Variants in ZCCHC7 observed in about 807,000 individuals in gnomAD.
The protein encoded by ZCCHC7 is zinc finger CCHC-type containing 7, also known as zinc finger CCHC domain-containing protein 7.
Under a neutral mutation model 52.0 loss-of-function variants are expected in ZCCHC7, and 35 were observed. The observed-to-expected ratio is 0.67, with a 90% confidence interval of 0.51 to 0.89. ZCCHC7 has a LOEUF of 0.89. Ranked by LOEUF, ZCCHC7 falls within the 40% of genes least tolerant of loss-of-function variation. The probability of loss-of-function intolerance (pLI) is 0.00; values close to 1 mark genes in which losing one functional copy is unlikely to be tolerated. For missense variants in ZCCHC7, 574 were observed against 649.1 expected, an observed-to-expected ratio of 0.88 and a Z score of 1.26; for synonymous variants, 217 against 221.5, an observed-to-expected ratio of 0.98 and a Z score of 0.18.
intron 2 of ZCCHC7, among the ~76,000 whole-genome samples, chr9:37,229,294 C>G (rs1054243492): frequency 4.6e-5 from 7 of 151,904 alleles, no homozygotes; most frequent in African/African-American, 1.7e-4. Flanking sequence ...CAACATTTTT[C>G]TATGAATAAA....
intron 2 of ZCCHC7, among the ~76,000 whole-genome samples, chr9:37,161,943 C>G (rs893021577): frequency 1.3e-5 from 2 of 152,116 alleles, no homozygotes; most frequent in Non-Finnish European, 2.9e-5. Context: ...TTGAGACCAG[C>G]CTAGGCAACA....
chr9:37,304,119 A>G, intron 3 of ZCCHC7, 69 bp from the exon 4 acceptor site: 1 of 1,476,318 alleles, frequency 6.8e-7, no homozygotes. Context: ...TGTCTTTAAC[A>G]AGAGTAGTAG....
intron 2 of ZCCHC7, among the ~76,000 whole-genome samples, chr9:37,286,163 T>C (rs1309737347): frequency 6.6e-6 from 1 of 152,206 alleles, no homozygotes; most frequent in Non-Finnish European, 1.5e-5. Flanking sequence ...ATTAATAAAA[T>C]AATTTAGGGA....
chr9:37,268,220 G>A (rs898718387), intron 2 of ZCCHC7, among the ~76,000 whole-genome samples: 3 of 151,952 alleles, frequency 2.0e-5, no homozygotes, highest in African/African-American at 7.3e-5. Flanking sequence ...AAAGCTCTTG[G>A]TATCTCTAAT....
chr9:37,308,833 T>C (rs913967558), intron 5 of ZCCHC7, among the ~76,000 whole-genome samples: 3 of 151,904 alleles, frequency 2.0e-5, no homozygotes, highest in Non-Finnish European at 4.4e-5. Context: ...ATACAAAAAT[T>C]AGCTGGGCGT....
chr9:37,178,908 T>C (rs940510246), intron 2 of ZCCHC7, among the ~76,000 whole-genome samples: 1 of 152,234 alleles, frequency 6.6e-6, no homozygotes, highest in South Asian at 2.1e-4. Flanking sequence ...ATCTGTATGA[T>C]GACTGATATT....
intron 2 of ZCCHC7, among the ~76,000 whole-genome samples, chr9:37,177,623 AAG>A (rs761132455): frequency 3.9e-5 from 6 of 152,178 alleles, no homozygotes; most frequent in Admixed American, 1.3e-4. Context: ...GGCTGAGACT[AAG>A]AGAGAACACA....
At chr9:37,268,196 G>A (rs1027834434) in intron 2 of ZCCHC7, among the ~76,000 whole-genome samples, 2 of 152,116 alleles carry the variant, frequency 1.3e-5, no homozygotes, top group African/African-American at 4.8e-5. Context: ...CAAATTCTGT[G>A]TGAATTTTTT....
chr9:37,139,241 G>A lies in ZCCHC7; in HGVS notation c.610+12299G>A, dbSNP rs188978252. Among the ~76,000 whole-genome samples the A allele has an allele frequency of 2.0e-4, 30 of 152,016 alleles. No homozygotes were observed. In the East Asian group the frequency reaches 4.4e-3, roughly 22 times the overall value. ...GTTTTGTTATAAATTAAAGATACTG[G>A]CATGGTTAACTTTTGGCATTTTGAG... On this transcript the variant is annotated intron_variant, in intron 2 of 8. Coordinates refer to ENST00000336755, the MANE Select transcript of ZCCHC7 (RefSeq NM_032226.3).
chr9:37,228,303 T>C (rs1326670622), intron 2 of ZCCHC7, among the ~76,000 whole-genome samples: 1 of 152,218 alleles, frequency 6.6e-6, no homozygotes, highest in Non-Finnish European at 1.5e-5. Context: ...ATTGTGTAGA[T>C]ATTACATTAT....
chr9:37,253,092 A>G (rs1826408867), intron 2 of ZCCHC7, among the ~76,000 whole-genome samples: 1 of 152,122 alleles, frequency 6.6e-6, no homozygotes, highest in South Asian at 2.1e-4. Flanking sequence ...AAGTTAATGA[A>G]TCTGGTAAAA....
chr9:37,186,556 G>T (rs1309458189), intron 2 of ZCCHC7, among the ~76,000 whole-genome samples: 1 of 152,088 alleles, frequency 6.6e-6, no homozygotes, highest in Non-Finnish European at 1.5e-5. Context: ...AATCTTTAGG[G>T]TGTTACAAAC....
chr9:37,199,659 TCTGTCTGTCTTTC>T (rs1823502465), intron 2 of ZCCHC7, among the ~76,000 whole-genome samples: 1 of 126,724 alleles, frequency 7.9e-6, no homozygotes, highest in South Asian at 2.5e-4. Context: ...TGTCTGTCTG[TCTGTCTGTCTTTC>T]TCTCTGTCTG....
intron 1 of ZCCHC7, 136 bp from the exon 2 acceptor site, chr9:37,126,176 A>G: frequency 1.1e-6 from 1 of 909,790 alleles, no homozygotes; most frequent in Non-Finnish European, 1.6e-6. Context: ...TCCTTGGAAA[A>G]AAAGGTATTT....
intron 2 of ZCCHC7, among the ~76,000 whole-genome samples, chr9:37,225,678 GA>G (rs76571276): frequency 2.0e-5 from 3 of 151,986 alleles, no homozygotes; most frequent in African/African-American, 7.2e-5. Flanking sequence ...AGACTAACAG[GA>G]AAAAAATGTT....
At chr9:37,350,171 C>G (rs1211956208) in intron 7 of ZCCHC7, among the ~76,000 whole-genome samples, 1 of 148,152 alleles carries the variant, frequency 6.7e-6, no homozygotes, top group African/African-American at 2.5e-5. Context: ...TCTTGTTGCC[C>G]AAGCTGGAGT....
intron 2 of ZCCHC7, chr9:37,160,363 A>T (rs959695264): frequency 2.0e-5 from 3 of 152,218 alleles, no homozygotes; most frequent in Non-Finnish European, 2.9e-5. Flanking sequence ...TAAAATAAAA[A>T]AATTAGCCAG....
intron 6 of ZCCHC7, among the ~76,000 whole-genome samples, chr9:37,340,127 G>C (rs1820528706): frequency 6.6e-6 from 1 of 152,100 alleles, no homozygotes; most frequent in African/African-American, 2.4e-5. Flanking sequence ...CAGAAAAAAG[G>C]GTTATGTAAA....
intron 2 of ZCCHC7, among the ~76,000 whole-genome samples, chr9:37,194,635 A>G (rs892725896): frequency 1.3e-5 from 2 of 152,126 alleles, no homozygotes; most frequent in African/African-American, 4.8e-5. Context: ...TTCTTTTTAA[A>G]GGGAAGATTT....
Sources: allele counts gnomAD v4.1 joint callset (sites outside exome capture counted in the v4.1 genomes callset), GRCh38; gene constraint gnomAD v4.1.1; transcripts MANE v1.5; gene names NCBI Gene and HGNC (gene_info 2026-07-23, HGNC 2026-07-21).